Variants in LHFPL4 observed in about 807,000 individuals in gnomAD.
LHFPL4 encodes LHFPL tetraspan subfamily member 4 protein.
A neutral mutation model predicts 20.0 loss-of-function variants in LHFPL4; 6 were observed. That is an observed-to-expected ratio of 0.30 (90% CI 0.16 to 0.59). The LOEUF (loss-of-function observed/expected upper bound fraction) is 0.59, where lower values mean the gene tolerates loss of function less well. Ranked by LOEUF, LHFPL4 falls within the 20% of genes least tolerant of loss-of-function variation. LHFPL4 has a pLI of 0.88. For synonymous variants in LHFPL4, 129 were observed against 143.8 expected (o/e 0.90, Z 0.74); for missense variants, 215 against 331.2 (o/e 0.65, Z 2.72).
At chr3:9,538,046 C>G (rs2046454070) in intron 2 of LHFPL4, among the ~76,000 whole-genome samples, 1 of 152,126 alleles carries the variant, frequency 6.6e-6, no homozygotes, top group Admixed American at 6.6e-5. Flanking sequence ...ACCCAATTAT[C>G]TGTAAGAAAC....
chr3:9,536,244 G>C (rs2046443602), intron 2 of LHFPL4, among the ~76,000 whole-genome samples: 1 of 152,222 alleles, frequency 6.6e-6, no homozygotes, highest in South Asian at 2.1e-4. Context: ...TACCAGGTCT[G>C]AGCACTCAGC....
intron 1 of LHFPL4, among the ~76,000 whole-genome samples, chr3:9,553,391 C>T (rs1453481896): frequency 3.9e-5 from 3 of 76,158 alleles, no homozygotes; most frequent in Non-Finnish European, 8.3e-5. Flanking sequence ...CTGCTGGACA[C>T]GGGGCGAGGA....
At chr3:9,505,274 CT>C (rs35722898) in intron 3 of LHFPL4, among the ~76,000 whole-genome samples, 95,579 of 144,866 alleles carry the variant, frequency 0.66, 31,570 homozygotes, top group East Asian at 0.91. Context: ...TCTTTTCTTT[CT>C]TTTTTTTTTT....
Position 9,500,088 on chromosome 3 carries a change from G to C in LHFPL4, c.*2123C>G, listed in dbSNP as rs563858127. On this transcript the variant is annotated 3_prime_UTR_variant, in exon 4 of 4. Transcript: ENST00000287585. ...TTCTCTGTGCCTGTGCGTCCCCCTC[G>C]CTCCTTCTCCAATCATCTCTCATCT... 12 of 151,866 alleles carry C rather than the reference G, an allele frequency of 7.9e-5. No homozygotes were observed. Among genetic ancestry groups the C allele is most frequent in the Admixed American group, 5.3e-4 (8 of 15,022 alleles). The allele number at this position is 151,866 out of a possible 1,614,324, so 9.4% of individuals were successfully genotyped here.
intron 2 of LHFPL4, among the ~76,000 whole-genome samples, chr3:9,516,613 A>G (rs2046303629): frequency 6.6e-6 from 1 of 151,958 alleles, no homozygotes; most frequent in African/African-American, 2.4e-5. Flanking sequence ...AGCTGAGACT[A>G]CAGGCACACA....
chr3:9,518,431 T>C (rs1437421046), intron 2 of LHFPL4, among the ~76,000 whole-genome samples: 3 of 152,210 alleles, frequency 2.0e-5, no homozygotes, highest in African/African-American at 7.2e-5. Context: ...AAAAATGAGT[T>C]AGGAAGTTTT....
At chr3:9,544,254 CA>C (rs1177177386) in intron 2 of LHFPL4, among the ~76,000 whole-genome samples, 1 of 150,760 alleles carries the variant, frequency 6.6e-6, no homozygotes, top group African/African-American at 2.4e-5. Flanking sequence ...ATTACTTTTC[CA>C]AAGAGTCAAA....
chr3:9,517,077 A>G (rs114529032), intron 2 of LHFPL4, among the ~76,000 whole-genome samples: 6,206 of 152,254 alleles, frequency 0.041, 174 homozygotes, highest in Non-Finnish European at 0.062. Context: ...CACCATGCCC[A>G]GCTCACACAC....
At chr3:9,530,044 C>T (rs927652310) in intron 2 of LHFPL4, among the ~76,000 whole-genome samples, 2 of 151,732 alleles carry the variant, frequency 1.3e-5, no homozygotes, top group Non-Finnish European at 2.9e-5. Context: ...ATTTATAGAG[C>T]ATAGGTGGAA....
intron 3 of LHFPL4, among the ~76,000 whole-genome samples, chr3:9,503,308 C>T (rs2125654428): frequency 6.6e-6 from 1 of 152,226 alleles, no homozygotes; most frequent in Non-Finnish European, 1.5e-5. Flanking sequence ...CCGAGGGGGC[C>T]CACTTCACAT....
At chr3:9,521,893 T>C (rs763339149) in intron 2 of LHFPL4, among the ~76,000 whole-genome samples, 1 of 152,172 alleles carries the variant, frequency 6.6e-6, no homozygotes, top group Non-Finnish European at 1.5e-5. Flanking sequence ...TGATTATTGC[T>C]ATAGGTGGAT....
At chr3:9,519,174 G>C (rs1019582508) in intron 2 of LHFPL4, among the ~76,000 whole-genome samples, 6 of 151,660 alleles carry the variant, frequency 4.0e-5, no homozygotes, top group African/African-American at 1.5e-4. Context: ...CCTGACCTCA[G>C]GCAATCCTCC....
chr3:9,549,213 A>C (rs2046536735), intron 2 of LHFPL4, among the ~76,000 whole-genome samples: 1 of 152,116 alleles, frequency 6.6e-6, no homozygotes, highest in African/African-American at 2.4e-5. Context: ...TGAGAGCAGG[A>C]ATTGCATTTT....
chr3:9,534,512 T>C (rs1177576819), intron 2 of LHFPL4, among the ~76,000 whole-genome samples: 7 of 152,124 alleles, frequency 4.6e-5, no homozygotes, highest in Admixed American at 4.6e-4. Flanking sequence ...TTCTTGCAGG[T>C]ACATAAAATA....
intron 2 of LHFPL4, among the ~76,000 whole-genome samples, chr3:9,519,686 G>A (rs564309666): frequency 1.3e-5 from 2 of 151,840 alleles, no homozygotes; most frequent in South Asian, 4.2e-4. Flanking sequence ...ATCCTCCTGA[G>A]CAGCTAGGAC....
intron 2 of LHFPL4, among the ~76,000 whole-genome samples, chr3:9,546,512 A>G (rs915997434): frequency 1.3e-5 from 2 of 152,040 alleles, no homozygotes; most frequent in African/African-American, 2.4e-5. Context: ...AGCACTTAGT[A>G]TTGAATGAAT....
chr3:9,550,562 A>T (rs1559525241), intron 2 of LHFPL4: 1 of 152,216 alleles, frequency 6.6e-6, no homozygotes, highest in Non-Finnish European at 1.5e-5. Context: ...CCAGGATTAA[A>T]CCCACACAGA....
intron 2 of LHFPL4, among the ~76,000 whole-genome samples, chr3:9,522,743 C>CA (rs1219265403): frequency 2.0e-3 from 248 of 122,558 alleles, no homozygotes; most frequent in African/African-American, 6.6e-3. Context: ...AACTCTGTCT[C>CA]AAAAAAAAAA....
chr3:9,532,523 A>G (rs1276336033), intron 2 of LHFPL4, among the ~76,000 whole-genome samples: 3 of 151,796 alleles, frequency 2.0e-5, no homozygotes, highest in Admixed American at 1.3e-4. Flanking sequence ...ATTTTTTTGT[A>G]GAAATGGAGT....
Sources: gnomAD v4.1 joint callset for allele counts (sites outside exome capture counted in the v4.1 genomes callset) on GRCh38, gnomAD v4.1.1 for gene constraint, MANE v1.5 for transcripts, NCBI Gene and HGNC (gene_info 2026-07-23, HGNC 2026-07-21) for gene names.